The following SPATS2L variants were observed in gnomAD, a reference collection of about 807,000 sequenced individuals.
The protein encoded by SPATS2L is SPATS2-like protein.
A neutral mutation model predicts 59.6 loss-of-function variants in SPATS2L; 30 were observed. The ratio of observed to expected loss-of-function variants is 0.50; its 90% CI spans 0.38 to 0.68. The LOEUF is 0.68. Ranked by LOEUF, SPATS2L falls within the 30% of genes least tolerant of loss-of-function variation. SPATS2L has a pLI of 0.00. For missense variants in SPATS2L, 615 were observed against 700.0 expected, an observed-to-expected ratio of 0.88 and a Z score of 1.37; for synonymous variants, 252 against 263.5, an observed-to-expected ratio of 0.96 and a Z score of 0.42.
intron 5 of SPATS2L, among the ~76,000 whole-genome samples, chr2:200,418,853 C>T (rs2083184324): frequency 6.6e-6 from 1 of 152,104 alleles, no homozygotes; most frequent in Non-Finnish European, 1.5e-5. Context: ...TCCTTGCCTC[C>T]CCAGCATTCA....
At chr2:200,467,427 C>G in intron 10 of SPATS2L, 28 bp downstream of exon 10, 2 of 1,512,322 alleles carry the variant, frequency 1.3e-6, no homozygotes, top group Non-Finnish European at 1.8e-6. Flanking sequence ...ACAGCCTGAA[C>G]CCTGAGCCAG....
Position 200,439,174 on chromosome 2 carries a change from T to A in SPATS2L, c.498T>A (p.Pro166=), listed in dbSNP as rs1559133436. The A allele has an allele frequency of 5.6e-6, 9 of 1,613,588 alleles. No homozygotes were observed. Among genetic ancestry groups the A allele is most frequent in the Non-Finnish European group, 7.6e-6 (9 of 1,179,738 alleles). The change falls in exon 7 of 13, where the codon CCT becomes CCA. Residue 166 remains proline, a synonymous_variant. Transcript: ENST00000409140. The part of the protein sequence containing the change: ...QKLSLDGNPK[P]IHGTTERSDG... ...TATCCTTAGATGGGAACCCCAAACCTATACATGGAACAACAGAGAGGTCAG... is the reference window on the plus strand; with the variant it reads ...TATCCTTAGATGGGAACCCCAAACCAATACATGGAACAACAGAGAGGTCAG...
At chr2:200,354,403 G>GT (rs1400972684) in intron 2 of SPATS2L, among the ~76,000 whole-genome samples, 2 of 152,088 alleles carry the variant, frequency 1.3e-5, no homozygotes, top group Admixed American at 6.6e-5. Flanking sequence ...GAGGCCGAGA[G>GT]TTTGAGACCA....
chr2:200,349,915 C>T (rs774572873), intron 2 of SPATS2L, among the ~76,000 whole-genome samples: 2 of 152,144 alleles, frequency 1.3e-5, no homozygotes, highest in East Asian at 3.9e-4. Context: ...GAATGAAATT[C>T]ACATCTCCTG....
chr2:200,435,535 G>A (rs769063994), intron 6 of SPATS2L, among the ~76,000 whole-genome samples: 10 of 152,182 alleles, frequency 6.6e-5, no homozygotes, highest in Middle Eastern at 3.4e-3. Flanking sequence ...TGGAAGGGCC[G>A]TAGGCATGCA....
intron 6 of SPATS2L, among the ~76,000 whole-genome samples, chr2:200,425,087 G>C (rs1215730001): frequency 6.7e-6 from 1 of 149,050 alleles, no homozygotes; most frequent in Non-Finnish European, 1.5e-5. Context: ...AACCAAATGT[G>C]AGAGAAAGGC....
chr2:200,407,712 G>C (rs2082735790), intron 3 of SPATS2L, among the ~76,000 whole-genome samples: 1 of 152,098 alleles, frequency 6.6e-6, no homozygotes, highest in South Asian at 2.1e-4. Context: ...TCCAGTCTCT[G>C]TTATTGAAAT....
intron 2 of SPATS2L, among the ~76,000 whole-genome samples, chr2:200,368,806 T>A (rs777467790): frequency 2.2e-4 from 33 of 152,144 alleles, no homozygotes; most frequent in Non-Finnish European, 3.2e-4. Flanking sequence ...ATCTCTACAT[T>A]CAAATTAGGG....
chr2:200,405,388 A>T (rs570219106), intron 3 of SPATS2L, among the ~76,000 whole-genome samples: 1 of 152,106 alleles, frequency 6.6e-6, no homozygotes, highest in East Asian at 1.9e-4. Context: ...TGCCAAAAAA[A>T]AAAAAAGTTA....
At chr2:200,376,555 T>A (rs2081606468) in intron 2 of SPATS2L, among the ~76,000 whole-genome samples, 1 of 152,236 alleles carries the variant, frequency 6.6e-6, no homozygotes, top group African/African-American at 2.4e-5. Context: ...ATGTTATGAC[T>A]GTTTGTTGTC....
intron 6 of SPATS2L, among the ~76,000 whole-genome samples, chr2:200,423,922 G>T (rs2083416220): frequency 6.6e-6 from 1 of 152,192 alleles, no homozygotes; most frequent in Non-Finnish European, 1.5e-5. Flanking sequence ...TAAGATATAT[G>T]CAGGTGGCTC....
chr2:200,450,192 T>C (rs74477082), intron 8 of SPATS2L, among the ~76,000 whole-genome samples: 1 of 152,212 alleles, frequency 6.6e-6, no homozygotes, highest in Admixed American at 6.5e-5. Flanking sequence ...TGAAAATTCA[T>C]ATATAAGTAA....
At chr2:200,440,899 T>C in intron 8 of SPATS2L, 115 bp downstream of exon 8, 1 of 1,207,990 alleles carries the variant, frequency 8.3e-7, no homozygotes, top group Non-Finnish European at 1.1e-6. Context: ...AGAATAACTC[T>C]CCAGCAAATT....
chr2:200,467,433 G>C, intron 10 of SPATS2L, 34 bp downstream of exon 10: 1 of 1,450,880 alleles, frequency 6.9e-7, no homozygotes, highest in Non-Finnish European at 9.7e-7. Flanking sequence ...TGAACCCTGA[G>C]CCAGAGAGCT....
intron 1 of SPATS2L, among the ~76,000 whole-genome samples, chr2:200,307,831 G>C (rs1046449874): frequency 6.6e-6 from 1 of 152,246 alleles, no homozygotes; most frequent in Non-Finnish European, 1.5e-5. Flanking sequence ...GGTTTTAGCA[G>C]ATGTCGGGGT....
chr2:200,369,542 A>G (rs569275525), intron 2 of SPATS2L, among the ~76,000 whole-genome samples: 1 of 152,316 alleles, frequency 6.6e-6, no homozygotes, highest in Admixed American at 6.5e-5. Flanking sequence ...GAATCCCATC[A>G]GAAAAGTGTC....
At chr2:200,401,373 T>C (rs1055998441) in intron 3 of SPATS2L, among the ~76,000 whole-genome samples, 2 of 152,190 alleles carry the variant, frequency 1.3e-5, no homozygotes, top group African/African-American at 4.8e-5. Context: ...TGGACACTTG[T>C]TATGCAGCAG....
intron 2 of SPATS2L, among the ~76,000 whole-genome samples, chr2:200,376,090 G>T (rs1276845252): frequency 1.3e-5 from 2 of 152,160 alleles, no homozygotes; most frequent in African/African-American, 4.8e-5. Context: ...TGAACACTTA[G>T]CTTGTCAAAG....
intron 6 of SPATS2L, among the ~76,000 whole-genome samples, chr2:200,430,941 C>G (rs2083890236): frequency 6.6e-6 from 1 of 152,142 alleles, no homozygotes; most frequent in Non-Finnish European, 1.5e-5. Context: ...TGGTCTGGAA[C>G]TCCTGACCTC....
Sources: gnomAD v4.1 joint callset for allele counts (sites outside exome capture counted in the v4.1 genomes callset) on GRCh38, gnomAD v4.1.1 for gene constraint, MANE v1.5 for transcripts, NCBI Gene and HGNC (gene_info 2026-07-23, HGNC 2026-07-21) for gene names.